The following FAM185A variants were observed in gnomAD, a reference collection of about 807,000 sequenced individuals.
FAM185A encodes the protein protein FAM185A.
A neutral mutation model predicts 45.7 loss-of-function variants in FAM185A; 21 were observed. That is an observed-to-expected ratio of 0.46 (90% CI 0.33 to 0.66). FAM185A has a LOEUF of 0.66. Ranked by LOEUF, FAM185A falls within the 30% of genes least tolerant of loss-of-function variation. FAM185A has a pLI of 0.03. For missense variants in FAM185A, 305 were observed against 485.4 expected (o/e 0.63, Z 3.49); for synonymous variants, 117 against 194.0 (o/e 0.60, Z 3.30).
chr7:102,803,185 G>T (rs1352758414), intron 7 of FAM185A, among the ~76,000 whole-genome samples: 3 of 152,160 alleles, frequency 2.0e-5, no homozygotes, highest in Admixed American at 2.0e-4. Context: ...ATCCTATGAA[G>T]CTAGCATCAC....
At chr7:102,755,557 T>A (rs1411765677) in intron 2 of FAM185A, 27 of 625,032 alleles carry the variant, frequency 4.3e-5, no homozygotes, top group Non-Finnish European at 7.8e-5. Context: ...CGAGCAGGAG[T>A]TAACACCATC....
At position 102,786,015 on chromosome 7, in the gene FAM185A, A is replaced by G. The variant is rs1215930590; in HGVS notation, c.932-1320A>G. Among the ~76,000 whole-genome samples the G allele has an allele frequency of 2.6e-5, 4 of 152,254 alleles. No homozygotes were observed. In the East Asian group the frequency reaches 7.7e-4, roughly 29 times the overall value. On this transcript the variant is annotated intron_variant, in intron 6 of 7. Coordinates refer to ENST00000413034, the MANE Select transcript of FAM185A (RefSeq NM_001145268.2). ...AACAAACAGCCCCATCAAAAAGTGG[A>G]CAAAGGATATGAACAGACACTTCTC...
chr7:102,825,373 C>A, the FAM185A span, among the ~76,000 whole-genome samples: 1 of 152,202 alleles, frequency 6.6e-6, no homozygotes, highest in South Asian at 2.1e-4. Flanking sequence ...AGCCTGTTAA[C>A]ATGCTCATCT....
the FAM185A span, among the ~76,000 whole-genome samples, chr7:102,833,569 G>A: frequency 6.6e-6 from 1 of 150,858 alleles, no homozygotes; most frequent in Non-Finnish European, 1.5e-5. Context: ...TGGGACTACA[G>A]GCGTGCACCA....
chr7:102,785,988 AAAAC>A (rs1260884585), intron 6 of FAM185A, among the ~76,000 whole-genome samples: 4 of 152,224 alleles, frequency 2.6e-5, no homozygotes, highest in Admixed American at 6.5e-5. Flanking sequence ...TTACAAGAAA[AAAAC>A]AAACAGCCCC....
intron 3 of FAM185A, among the ~76,000 whole-genome samples, chr7:102,758,430 T>A (rs1373240728): frequency 0.25 from 17,297 of 69,474 alleles, 2,713 homozygotes; most frequent in East Asian, 0.33. Flanking sequence ...CTCACAGCTT[T>A]TTTTTTTTTT....
intron 6 of FAM185A, among the ~76,000 whole-genome samples, chr7:102,784,878 A>G (rs931411226): frequency 3.9e-5 from 6 of 152,244 alleles, no homozygotes; most frequent in African/African-American, 1.4e-4. Flanking sequence ...AATTAGGAAT[A>G]GAGGAAGTCA....
intron 2 of FAM185A, among the ~76,000 whole-genome samples, chr7:102,756,414 T>C (rs1793739392): frequency 6.6e-6 from 1 of 151,738 alleles, no homozygotes; most frequent in Non-Finnish European, 1.5e-5. Context: ...TCCCAGCACT[T>C]TGGAAGGCTG....
Position 102,761,327 on chromosome 7 carries a change from G to A in FAM185A, c.709G>A (p.Gly237Ser). The A allele has an allele frequency of 6.5e-7, 1 of 1,546,954 alleles. No homozygotes were observed. Among genetic ancestry groups the A allele is most frequent in the Non-Finnish European group, 8.7e-7 (1 of 1,144,892 alleles). The change falls in exon 4 of 8, where the codon GGT becomes AGT. Residue 237 changes from glycine to serine, a missense_variant. Around this residue, in one of 5 missense-constraint regions of FAM185A, gnomAD observed 44 missense variants for 66.8 expected, o/e 0.66. Coordinates refer to ENST00000413034, the MANE Select transcript of FAM185A (RefSeq NM_001145268.2). ...TTCTGTTACTGTATCTACCGAAGATGGTTTGCTGAAAGCCAAGTATCTTTA... is the reference window on the plus strand; with the variant it reads ...TTCTGTTACTGTATCTACCGAAGATAGTTTGCTGAAAGCCAAGTATCTTTA... Reference protein sequence around the residue: ...GSSVTVSTEDGLLKAKYLYTE... With the variant: ...GSSVTVSTEDSLLKAKYLYTE...
At chr7:102,765,205 T>C (rs1253504064) in intron 4 of FAM185A, among the ~76,000 whole-genome samples, 1 of 152,212 alleles carries the variant, frequency 6.6e-6, no homozygotes, top group African/African-American at 2.4e-5. Flanking sequence ...CCTGGCTCAC[T>C]GTAAAGATGT....
the FAM185A span, among the ~76,000 whole-genome samples, chr7:102,845,993 G>A: frequency 6.6e-6 from 1 of 152,130 alleles, no homozygotes; most frequent in African/African-American, 2.4e-5. Flanking sequence ...CTTGGGAGAA[G>A]TTTTTAACCT....
the FAM185A span, chr7:102,833,104 A>G: frequency 1.1e-6 from 1 of 948,404 alleles, no homozygotes; most frequent in Non-Finnish European, 1.5e-6. Flanking sequence ...CCCCCAAAAA[A>G]TAATTTAAAA....
At chr7:102,842,186 G>A in the FAM185A span, among the ~76,000 whole-genome samples, 5 of 152,186 alleles carry the variant, frequency 3.3e-5, no homozygotes, top group Non-Finnish European at 7.3e-5. Context: ...AGCTTCTGCT[G>A]CAACAAAGGC....
At chr7:102,751,373 T>C (rs1241436104) in intron 1 of FAM185A, among the ~76,000 whole-genome samples, 1 of 152,170 alleles carries the variant, frequency 6.6e-6, no homozygotes, top group East Asian at 1.9e-4. Context: ...GTCATGATCA[T>C]ATATACTGGG....
intron 2 of FAM185A, among the ~76,000 whole-genome samples, chr7:102,757,273 C>T (rs1468038429): frequency 6.6e-6 from 1 of 152,030 alleles, no homozygotes; most frequent in African/African-American, 2.4e-5. Context: ...GCTTTGGAAT[C>T]ATACAGAACT....
chr7:102,797,462 C>A (rs917389286), intron 7 of FAM185A, among the ~76,000 whole-genome samples: 2 of 151,968 alleles, frequency 1.3e-5, no homozygotes, highest in Non-Finnish European at 2.9e-5. Flanking sequence ...AGTGACACAG[C>A]GAGACTCCGT....
chr7:102,826,743 A>G, the FAM185A span, among the ~76,000 whole-genome samples: 47 of 83,332 alleles, frequency 5.6e-4, 1 homozygote, highest in East Asian at 3.7e-3. Context: ...ATATATATAT[A>G]TATATATATA....
intron 2 of FAM185A, among the ~76,000 whole-genome samples, chr7:102,753,213 T>G (rs1054852165): frequency 6.6e-6 from 1 of 151,964 alleles, no homozygotes; most frequent in Non-Finnish European, 1.5e-5. Context: ...TAGAAATATT[T>G]TGTTCAGTCA....
chr7:102,784,636 T>C (rs9691949), intron 6 of FAM185A, among the ~76,000 whole-genome samples: 29,685 of 151,928 alleles, frequency 0.2, 3,324 homozygotes, highest in East Asian at 0.53. Flanking sequence ...TCAACAACGC[T>C]TCATGCTAAA....
Sources: gnomAD v4.1 joint callset for allele counts (sites outside exome capture counted in the v4.1 genomes callset) on GRCh38, gnomAD v4.1.1 for gene constraint, gnomAD v4.1.1 regional missense constraint, MANE v1.5 for transcripts, NCBI Gene and HGNC (gene_info 2026-07-23, HGNC 2026-07-21) for gene names.